XKR9: variants seen among roughly 807,000 people sequenced by gnomAD.
XKR9 encodes the protein XK related 9.
A neutral mutation model predicts 32.0 loss-of-function variants in XKR9; 32 were observed. The ratio of observed to expected loss-of-function variants is 1.00; its 90% CI spans 0.76 to 1.34. The LOEUF (loss-of-function observed/expected upper bound fraction) is 1.34, where lower values mean the gene tolerates loss of function less well. Among genes scored for constraint, XKR9 ranks in the 40% most tolerant of loss-of-function variants. XKR9 has a pLI of 0.00. For missense variants in XKR9, 546 were observed against 429.7 expected, an observed-to-expected ratio of 1.27 and a Z score of -2.39; for synonymous variants, 168 against 143.4, an observed-to-expected ratio of 1.17 and a Z score of -1.22.
chr8:70,691,733 G>A (rs1805077407), intron 3 of XKR9, among the ~76,000 whole-genome samples: 1 of 151,984 alleles, frequency 6.6e-6, no homozygotes, highest in Non-Finnish European at 1.5e-5. Flanking sequence ...AAGATATGTG[G>A]CCTTATTTTG....
the XKR9 span, among the ~76,000 whole-genome samples, chr8:70,866,808 T>C: frequency 6.6e-6 from 1 of 152,066 alleles, no homozygotes; most frequent in South Asian, 2.1e-4. Context: ...TCCAAAGAAA[T>C]AATACAAATA....
the XKR9 span, among the ~76,000 whole-genome samples, chr8:70,969,424 C>T: frequency 6.6e-6 from 1 of 152,086 alleles, no homozygotes; most frequent in African/African-American, 2.4e-5. Flanking sequence ...AGACTGGAAC[C>T]ATATGGGTTA....
chr8:70,842,979 G>A, the XKR9 span, among the ~76,000 whole-genome samples: 1 of 152,178 alleles, frequency 6.6e-6, no homozygotes, highest in Non-Finnish European at 1.5e-5. Context: ...GGAGACTTAA[G>A]AAATCATGAA....
chr8:70,692,373 T>C (rs1003321817), intron 3 of XKR9, among the ~76,000 whole-genome samples: 1 of 151,768 alleles, frequency 6.6e-6, no homozygotes, highest in Non-Finnish European at 1.5e-5. Flanking sequence ...CAGAGATAGT[T>C]TGACTCCTGC....
intron 2 of XKR9, among the ~76,000 whole-genome samples, chr8:70,750,292 C>T (rs1554554094): frequency 6.6e-6 from 1 of 152,162 alleles, no homozygotes; most frequent in Non-Finnish European, 1.5e-5. Context: ...CTATTAGCAG[C>T]AGAATACTGT....
chr8:70,831,358 C>T, the XKR9 span, among the ~76,000 whole-genome samples: 11 of 150,562 alleles, frequency 7.3e-5, no homozygotes, highest in African/African-American at 2.7e-4. Context: ...TTGTTCCAGA[C>T]ATTCTGCTAG....
intron 4 of XKR9, among the ~76,000 whole-genome samples, chr8:70,711,868 AT>A (rs1259289638): frequency 4.2e-5 from 4 of 96,106 alleles, no homozygotes; most frequent in Non-Finnish European, 1.0e-4. Flanking sequence ...TCAAAAAACT[AT>A]GTATTGGGTA....
the XKR9 span, among the ~76,000 whole-genome samples, chr8:70,965,419 A>G: frequency 1.3e-5 from 2 of 151,970 alleles, no homozygotes; most frequent in African/African-American, 2.4e-5. Context: ...CTATTTTTTG[A>G]TGTATCTCTG....
the XKR9 span, among the ~76,000 whole-genome samples, chr8:70,925,660 C>T: frequency 6.6e-6 from 1 of 152,138 alleles, no homozygotes; most frequent in African/African-American, 2.4e-5. Context: ...TGATGTGCAT[C>T]TAAAGCAAAC....
the XKR9 span, among the ~76,000 whole-genome samples, chr8:71,049,994 T>C: frequency 6.6e-6 from 1 of 151,990 alleles, no homozygotes; most frequent in Non-Finnish European, 1.5e-5. Flanking sequence ...GTTTAAAAAA[T>C]ATAAAACATG....
At chr8:71,005,131 T>A in the XKR9 span, among the ~76,000 whole-genome samples, 10 of 148,750 alleles carry the variant, frequency 6.7e-5, no homozygotes, top group Non-Finnish European at 1.0e-4. Context: ...GTGCCCAGCC[T>A]GATACCTTGA....
At chr8:70,843,515 T>G in the XKR9 span, among the ~76,000 whole-genome samples, 1 of 152,126 alleles carries the variant, frequency 6.6e-6, no homozygotes, top group Non-Finnish European at 1.5e-5. Flanking sequence ...AAATAGTAAG[T>G]GGATAATCCC....
the XKR9 span, among the ~76,000 whole-genome samples, chr8:70,949,536 A>G: frequency 1.3e-5 from 2 of 152,200 alleles, no homozygotes; most frequent in East Asian, 3.9e-4. Flanking sequence ...ACAGCTAAAT[A>G]CCAAAGGAAC....
the XKR9 span, among the ~76,000 whole-genome samples, chr8:70,984,029 C>T: frequency 2.8e-4 from 42 of 152,244 alleles, no homozygotes; most frequent in African/African-American, 8.9e-4. Context: ...ATGCAAGAAA[C>T]ATCACCTTAA....
chr8:70,888,361 G>T, the XKR9 span, among the ~76,000 whole-genome samples: 1,325 of 151,500 alleles, frequency 8.7e-3, 42 homozygotes, highest in East Asian at 0.11. Flanking sequence ...TGAATTCCTT[G>T]TCAGATATAT....
At chr8:70,762,989 G>A (rs1463273198) in intron 2 of XKR9, among the ~76,000 whole-genome samples, 1 of 152,124 alleles carries the variant, frequency 6.6e-6, no homozygotes, top group South Asian at 2.1e-4. Flanking sequence ...GTAAAGGAAG[G>A]TTGATCTAAT....
the XKR9 span, among the ~76,000 whole-genome samples, chr8:70,800,740 C>T: frequency 6.6e-6 from 1 of 152,140 alleles, no homozygotes. Flanking sequence ...CCCGCCTCAG[C>T]CTCCCGAAGT....
At chr8:70,796,577 TTTTTATAG>T in the XKR9 span, among the ~76,000 whole-genome samples, 1 of 152,140 alleles carries the variant, frequency 6.6e-6, no homozygotes, top group Non-Finnish European at 1.5e-5. Flanking sequence ...TCAGCTCTGT[TTTTTATAG>T]TTAGATTATT....
the XKR9 span, among the ~76,000 whole-genome samples, chr8:70,895,753 C>A: frequency 6.9e-6 from 1 of 144,244 alleles, no homozygotes; most frequent in Admixed American, 7.5e-5. Flanking sequence ...GGGAGGCCAA[C>A]GTGGGCAGAT....
Sources: allele counts gnomAD v4.1 joint callset (sites outside exome capture counted in the v4.1 genomes callset), GRCh38; gene constraint gnomAD v4.1.1; transcripts MANE v1.5; gene names NCBI Gene and HGNC (gene_info 2026-07-23, HGNC 2026-07-21).